ROBO2: variants seen among roughly 807,000 people sequenced by gnomAD.
ROBO2 encodes the protein roundabout homolog 2.
Under a neutral mutation model 160.8 loss-of-function variants are expected in ROBO2, and 53 were observed. The ratio of observed to expected loss-of-function variants is 0.33; its 90% CI spans 0.26 to 0.41. The LOEUF is 0.41. ROBO2 is among the 10% of genes least tolerant of loss of function. The pLI, the probability that ROBO2 is intolerant of heterozygous loss-of-function variation, is 1.00. For synonymous variants in ROBO2, 664 were observed against 611.7 expected (o/e 1.09, Z -1.26); for missense variants, 1,577 against 1,722.4 (o/e 0.92, Z 1.49).
At position 77,569,205 on chromosome 3, in the gene ROBO2, T is replaced by C. The variant is rs181496506; in HGVS notation, c.1971+771T>C. ...TTCAGTAATATTGGTAACTCTCCAT[T>C]TAATATTTTGATAAACTGCCAAAAT... is the stretch of plus-strand genomic sequence containing the variant. On this transcript the variant is annotated intron_variant, in intron 13 of 25. Transcript: ENST00000461745. Among the ~76,000 whole-genome samples the C allele has an allele frequency of 2.1e-3, 312 of 152,118 alleles. 1 individual carries two copies. Among genetic ancestry groups the C allele is most frequent in the African/African-American group, 7.2e-3 (300 of 41,540 alleles).
chr3:76,226,520 A>C (rs1704296330), intron 2 of ROBO2, among the ~76,000 whole-genome samples: 1 of 152,188 alleles, frequency 6.6e-6, no homozygotes, highest in South Asian at 2.1e-4. Flanking sequence ...CGTGTTCTCT[A>C]ATGTTCCTTA....
chr3:77,499,616 T>C (rs1389852156), intron 5 of ROBO2, among the ~76,000 whole-genome samples: 1 of 151,286 alleles, frequency 6.6e-6, no homozygotes, highest in Non-Finnish European at 1.5e-5. Context: ...CATAGAAACA[T>C]ATACAATATT....
At chr3:76,147,374 TA>T (rs570325569) in intron 2 of ROBO2, among the ~76,000 whole-genome samples, 1,720 of 126,664 alleles carry the variant, frequency 0.014, 42 homozygotes, top group African/African-American at 0.041. Flanking sequence ...AAGGAATCAA[TA>T]TTAATTATCT....
chr3:76,176,424 T>C (rs2073233662), intron 2 of ROBO2, among the ~76,000 whole-genome samples: 2 of 152,170 alleles, frequency 1.3e-5, no homozygotes, highest in Admixed American at 1.3e-4. Flanking sequence ...AGAAATTTTG[T>C]GGATAGTCAT....
At chr3:76,449,795 G>C (rs2077384187) in intron 2 of ROBO2, among the ~76,000 whole-genome samples, 1 of 152,076 alleles carries the variant, frequency 6.6e-6, no homozygotes, top group South Asian at 2.1e-4. Flanking sequence ...AGCATCATTA[G>C]GTTGCTCATA....
chr3:77,622,378 G>C lies in ROBO2; in HGVS notation c.3706G>C (p.Ala1236Pro), dbSNP rs267607015. The C allele has an allele frequency of 3.1e-6, 5 of 1,614,022 alleles. No homozygotes were observed. In the Admixed American group the frequency reaches 5.0e-5, roughly 16 times the overall value. ...TTTAGAAATCCCCAGGCCCCTGAGAGCACTGGACCAGACTCCTGGATCCAG... is the reference window on the plus strand; with the variant it reads ...TTTAGAAATCCCCAGGCCCCTGAGACCACTGGACCAGACTCCTGGATCCAG... Residue 1236 changes from alanine (A) to proline (P), a missense_variant, in exon 23 of 26, where the codon GCA becomes CCA. By Grantham distance (27) the Ala-to-Pro change is conservative. This residue lies in a region of ROBO2 where 637 missense variants were observed against 586.9 expected (regional missense o/e 1.09). Coordinates refer to ENST00000461745, the Ensembl canonical transcript of ROBO2.
At chr3:76,960,076 C>A (rs1431972605) in intron 2 of ROBO2, among the ~76,000 whole-genome samples, 1 of 151,758 alleles carries the variant, frequency 6.6e-6, no homozygotes, top group Non-Finnish European at 1.5e-5. Context: ...CTGAGTATCT[C>A]AGAAAAACAA....
At chr3:77,612,701 C>T (rs2094673912) in intron 21 of ROBO2, among the ~76,000 whole-genome samples, 1 of 152,198 alleles carries the variant, frequency 6.6e-6, no homozygotes, top group African/African-American at 2.4e-5. Flanking sequence ...AATCCCAGCA[C>T]GTTGGGAGGC....
At chr3:77,597,613 C>G (rs1044473462) in intron 19 of ROBO2, among the ~76,000 whole-genome samples, 2 of 152,038 alleles carry the variant, frequency 1.3e-5, no homozygotes, top group African/African-American at 4.8e-5. Context: ...TGCCAGAACC[C>G]CATGTGGCAT....
chr3:77,020,546 A>G (rs2149503158), intron 2 of ROBO2, among the ~76,000 whole-genome samples: 1 of 152,336 alleles, frequency 6.6e-6, no homozygotes, highest in Admixed American at 6.5e-5. Flanking sequence ...TGTTCGTATA[A>G]GGAAACAAAG....
intron 2 of ROBO2, among the ~76,000 whole-genome samples, chr3:76,095,286 C>T (rs2069394905): frequency 6.6e-6 from 1 of 151,812 alleles, no homozygotes; most frequent in Admixed American, 6.6e-5. Context: ...GGCAACTATA[C>T]ATTGTGAATT....
At chr3:76,319,612 A>G (rs984524854) in intron 2 of ROBO2, among the ~76,000 whole-genome samples, 2 of 6,890 alleles carry the variant, frequency 2.9e-4, no homozygotes, top group East Asian at 0.019. Flanking sequence ...TTGATTTCAA[A>G]CCAAAATCTC....
intron 2 of ROBO2, among the ~76,000 whole-genome samples, chr3:77,256,896 T>G (rs753715479): frequency 3.9e-5 from 6 of 152,186 alleles, no homozygotes; most frequent in Non-Finnish European, 7.3e-5. Context: ...AATACAACAC[T>G]GCTAATGAAA....
At chr3:76,361,901 A>G (rs908301482) in intron 2 of ROBO2, among the ~76,000 whole-genome samples, 1 of 152,152 alleles carries the variant, frequency 6.6e-6, no homozygotes, top group Non-Finnish European at 1.5e-5. Context: ...GCTACTTTTA[A>G]AAACCTGAAG....
intron 20 of ROBO2, among the ~76,000 whole-genome samples, chr3:77,606,765 C>G (rs2094533831): frequency 6.6e-6 from 1 of 152,140 alleles, no homozygotes; most frequent in Admixed American, 6.5e-5. Context: ...AGCCCTGCTA[C>G]AAATAGTTTT....
chr3:77,231,686 C>T (rs535714148), intron 2 of ROBO2, among the ~76,000 whole-genome samples: 131 of 152,134 alleles, frequency 8.6e-4, no homozygotes, highest in African/African-American at 2.9e-3. Flanking sequence ...GCCGAAAATC[C>T]CGAATTGGTG....
At chr3:76,339,966 C>G (rs1393907582) in intron 2 of ROBO2, among the ~76,000 whole-genome samples, 1 of 151,766 alleles carries the variant, frequency 6.6e-6, no homozygotes, top group Non-Finnish European at 1.5e-5. Context: ...TAGCATAGAG[C>G]TATTAATTCA....
chr3:76,232,248 A>G (rs1704663426), intron 2 of ROBO2, among the ~76,000 whole-genome samples: 3 of 152,228 alleles, frequency 2.0e-5, no homozygotes, highest in East Asian at 1.9e-4. Context: ...ATCTCAGTAT[A>G]TATGGCTTCA....
chr3:77,013,021 G>C lies in ROBO2; in HGVS notation c.110-84993G>C, dbSNP rs2062011636. Among the ~76,000 whole-genome samples, 2 of 152,134 alleles carry C rather than the reference G, an allele frequency of 1.3e-5. 1 individual carries two copies. On this transcript the variant is annotated intron_variant, in intron 2 of 26. Transcript: ENST00000487694. Reference sequence around the variant, plus strand: ...TTAATTTTGATCTTGACTCATTTGTGGGGGAGGAAGTGTTTCTAAGTATGA... The same window carrying C: ...TTAATTTTGATCTTGACTCATTTGTCGGGGAGGAAGTGTTTCTAAGTATGA...
Sources: gnomAD v4.1 joint callset for allele counts (sites outside exome capture counted in the v4.1 genomes callset) on GRCh38, gnomAD v4.1.1 for gene constraint, gnomAD v4.1.1 regional missense constraint, MANE v1.5 for transcripts, NCBI Gene and HGNC (gene_info 2026-07-23, HGNC 2026-07-21) for gene names.